Variants in ITGA11 observed in about 807,000 individuals in gnomAD.
ITGA11 encodes the protein integrin subunit alpha 11.
ITGA11 carries 97 observed loss-of-function variants against 141.9 expected under a neutral mutation model. The observed-to-expected ratio is 0.68, with a 90% confidence interval of 0.58 to 0.81. The LOEUF is 0.81. ITGA11 is among the 30% of genes least tolerant of loss of function. The probability of loss-of-function intolerance (pLI) is 0.00; values close to 1 mark genes in which losing one functional copy is unlikely to be tolerated. For missense variants in ITGA11, 1,387 were observed against 1,559.2 expected (o/e 0.89, Z 1.86); for synonymous variants, 658 against 624.6 (o/e 1.05, Z -0.80).
chr15:68,412,585 C>T (rs1354580389), intron 1 of ITGA11, among the ~76,000 whole-genome samples: 2 of 151,376 alleles, frequency 1.3e-5, no homozygotes, highest in Non-Finnish European at 2.9e-5. Context: ...GGGGGCATGA[C>T]ACGAACTCCC....
intron 7 of ITGA11, among the ~76,000 whole-genome samples, chr15:68,353,249 T>C (rs1255150789): frequency 2.0e-5 from 3 of 152,210 alleles, no homozygotes; most frequent in Non-Finnish European, 4.4e-5. Context: ...AGAAAAAACA[T>C]CCACCATTCT....
chr15:68,309,251 AT>A (rs1285042256), intron 26 of ITGA11, among the ~76,000 whole-genome samples: 1 of 152,210 alleles, frequency 6.6e-6, no homozygotes, highest in African/African-American at 2.4e-5. Context: ...TGCTCAGAAC[AT>A]TTTGCTTGTT....
In ITGA11 at chr15:68,326,324, G is replaced by A. The variant is rs2140296145; in HGVS notation, c.2211+330C>T. Reference sequence around the variant, plus strand: ...ACCTGGCCTTTAATTGTTAGCTGCTGCCTGCTTATCCCTCCCTTTGGGGCT... The same window carrying A: ...ACCTGGCCTTTAATTGTTAGCTGCTACCTGCTTATCCCTCCCTTTGGGGCT... On this transcript the variant is annotated intron_variant, in intron 17 of 29. Coordinates refer to ENST00000315757, the MANE Select transcript of ITGA11 (RefSeq NM_001004439.2). This position sits in a 1 kb window ranked among gnomAD's most constrained non-coding sequence, Gnocchi z 6.8. 6.6e-6 allele frequency among the ~76,000 whole-genome samples: 1 copy of A among 152,328 alleles called. No homozygotes were observed. The highest frequency in any genetic ancestry group is 1.5e-5 in the Non-Finnish European group (1 of 68,026).
rs571080219 is a variant in ITGA11, at chr15:68,301,810, TCAAAA to T, written c.*1244_*1248del. ...CATGTGTCCCCCTTGCATTTCTACC[TCAAAA>T]CAAGACTAAGGCATAAATTACTCCA... On this transcript the variant is annotated 3_prime_UTR_variant, in exon 30 of 30. Transcript: ENST00000315757. This position sits in a 1 kb window ranked among gnomAD's most constrained non-coding sequence, Gnocchi z 4.4. 7.2e-5 allele frequency: 11 copies of T among 152,724 alleles called. No homozygotes were observed. The East Asian group carries it at 1.9e-3, about 27-fold the overall frequency. The allele number at this position is 152,724 out of a possible 1,614,324, so 9.5% of individuals were successfully genotyped here. A position where few individuals can be genotyped will look rare whatever the true frequency, so the allele number is the denominator to read the frequency against.
intron 1 of ITGA11, among the ~76,000 whole-genome samples, chr15:68,412,706 C>T (rs948759957): frequency 3.3e-5 from 4 of 120,078 alleles, no homozygotes; most frequent in Non-Finnish European, 6.5e-5. Flanking sequence ...GACAGAGTCT[C>T]GTTCTGTCAC....
chr15:68,411,745 A>G (rs1896775580), intron 1 of ITGA11, among the ~76,000 whole-genome samples: 1 of 152,178 alleles, frequency 6.6e-6, no homozygotes, highest in South Asian at 2.1e-4. Context: ...AGAGGAGAGT[A>G]TATTTCCCCC....
intron 24 of ITGA11, 109 bp downstream of exon 24, chr15:68,312,664 G>T: frequency 2.6e-6 from 2 of 779,942 alleles, no homozygotes; most frequent in South Asian, 3.3e-5. Context: ...GGGTGGCAGG[G>T]TTGAGGCTGG....
chr15:68,307,588 C>T lies in ITGA11; in HGVS notation c.3283G>A (p.Ala1095Thr), dbSNP rs1275769424. 1.2e-6 allele frequency: 2 copies of T among 1,610,046 alleles called. No homozygotes were observed. Among genetic ancestry groups the T allele is most frequent in the South Asian group, 2.2e-5 (2 of 90,696 alleles). ...CCCAGCCCAGGGGCTCTACTTACTG[C>T]TTTTAGGGACCTCAACCACAGGTTC... ...LGNLWLRSLK[A>T]LKYKSMKIMV... Residue 1095 changes from alanine (A) to threonine (T), a missense_variant and splice_region_variant, in exon 27 of 30, where the codon GCA becomes ACA. Coordinates refer to ENST00000315757, the MANE Select transcript of ITGA11 (RefSeq NM_001004439.2). The surrounding 1 kb of genome is among the most constrained non-coding windows in gnomAD (Gnocchi z 6.1).
chr15:68,368,956 G>A (rs1895507006), intron 3 of ITGA11, among the ~76,000 whole-genome samples: 1 of 151,546 alleles, frequency 6.6e-6, no homozygotes, highest in Non-Finnish European at 1.5e-5. Context: ...TAGGGCCTGG[G>A]TTGATTCCTG....
intron 28 of ITGA11, among the ~76,000 whole-genome samples, chr15:68,306,732 CTT>C (rs1468327573): frequency 6.6e-6 from 1 of 152,232 alleles, no homozygotes; most frequent in East Asian, 1.9e-4. Flanking sequence ...GACCCCGCCT[CTT>C]TGCTCTCCAG....
At chr15:68,345,463 G>A (rs765659403) in intron 10 of ITGA11, among the ~76,000 whole-genome samples, 20 of 152,122 alleles carry the variant, frequency 1.3e-4, no homozygotes, top group Non-Finnish European at 2.5e-4. Context: ...CCTGGGCTCT[G>A]GTCCCTTCTC....
At chr15:68,422,051 C>A (rs1203406612) in intron 1 of ITGA11, among the ~76,000 whole-genome samples, 1 of 152,142 alleles carries the variant, frequency 6.6e-6, no homozygotes, top group African/African-American at 2.4e-5. Context: ...AATTTGAATT[C>A]TCTTTAAGTT....
chr15:68,301,828 A>G lies in ITGA11; in HGVS notation c.*1231T>C, dbSNP rs898523983. ...TTCTACCTCAAAACAAGACTAAGGC[A>G]TAAATTACTCCACTGGGCGCCAGGC... On this transcript the variant is annotated 3_prime_UTR_variant, in exon 30 of 30. Transcript: ENST00000315757. This position sits in a 1 kb window ranked among gnomAD's most constrained non-coding sequence, Gnocchi z 4.4. 6 of 152,680 alleles carry G rather than the reference A, an allele frequency of 3.9e-5. No homozygotes were observed. Among genetic ancestry groups the G allele is most frequent in the Non-Finnish European group, 8.8e-5 (6 of 68,062 alleles). The allele number at this position is 152,680 out of a possible 1,614,324, so 9.5% of individuals were successfully genotyped here.
chr15:68,386,339 G>A (rs942828642), intron 2 of ITGA11, among the ~76,000 whole-genome samples: 1 of 152,142 alleles, frequency 6.6e-6, no homozygotes, highest in Non-Finnish European at 1.5e-5. Flanking sequence ...AAGCTGCTGG[G>A]TCTCCCTCCC....
intron 1 of ITGA11, among the ~76,000 whole-genome samples, chr15:68,428,143 A>G (rs891553304): frequency 6.6e-6 from 1 of 152,194 alleles, no homozygotes; most frequent in Non-Finnish European, 1.5e-5. Flanking sequence ...AAAGTCAGGC[A>G]TTGTGGAGAA....
rs755900058 is a variant in ITGA11 at position 68,351,421 on chromosome 15, G to C, written c.750-19C>G. 1.2e-6 allele frequency: 2 copies of C among 1,612,704 alleles called. No individual in the cohort carries two copies. Among genetic ancestry groups the C allele is most frequent in the Admixed American group, 3.3e-5 (2 of 59,938 alleles). On this transcript the variant is annotated intron_variant, in intron 7 of 29. Transcript: ENST00000315757. ...CTCTGAGCTGGAAGCCAAGCACAGG[G>C]GCAGGGTCATGAAAGGTAAGTGGGA...
chr15:68,328,190 G>A lies in ITGA11; in HGVS notation c.1974C>T (p.Asp658=). The A allele has an allele frequency of 6.2e-7, 1 of 1,613,960 alleles. No homozygotes were observed. The highest frequency in any genetic ancestry group is 8.5e-7 in the Non-Finnish European group (1 of 1,179,864). Residue 658 remains aspartate, a synonymous_variant, in exon 16 of 30, where the codon GAC becomes GAT. Coordinates refer to ENST00000315757, the MANE Select transcript of ITGA11 (RefSeq NM_001004439.2). This position sits in a 1 kb window ranked among gnomAD's most constrained non-coding sequence, Gnocchi z 4.8. Reference sequence around the variant, plus strand: ...TGGCATCCCTGCCACTGCGCTTGCAGTCTCTGTGGAAGATGTTGATCTTGG... The same window carrying A: ...TGGCATCCCTGCCACTGCGCTTGCAATCTCTGTGGAAGATGTTGATCTTGG... ...EPSKINIFHR[D]CKRSGRDATC... is the part of the protein sequence containing the mutation.
At chr15:68,398,735 T>G in intron 2 of ITGA11, among the ~76,000 whole-genome samples, 1 of 147,870 alleles carries the variant, frequency 6.8e-6, no homozygotes, top group South Asian at 2.1e-4. Flanking sequence ...TGATATAATT[T>G]ATATTAACTG....
Position 68,330,662 on chromosome 15 carries a change from C to T in ITGA11, c.1901+319G>A, listed in dbSNP as rs11852504. Among the ~76,000 whole-genome samples the T allele has an allele frequency of 3.6e-3, 547 of 152,124 alleles. 3 individuals carry two copies. The highest frequency in any genetic ancestry group is 0.012 in the African/African-American group (512 of 41,480). ...GCCAGGGGAGAAGGAAAGGTCCTTCCAGATGGTAAAAACACGCTCAACTTG... is the reference window on the plus strand; with the variant it reads ...GCCAGGGGAGAAGGAAAGGTCCTTCTAGATGGTAAAAACACGCTCAACTTG... On this transcript the variant is annotated intron_variant, in intron 15 of 29. Coordinates refer to ENST00000315757, the MANE Select transcript of ITGA11 (RefSeq NM_001004439.2).
Sources: gnomAD v4.1 joint callset for allele counts (sites outside exome capture counted in the v4.1 genomes callset) on GRCh38, gnomAD v4.1.1 for gene constraint, Gnocchi (gnomAD v3.1) non-coding constraint, MANE v1.5 for transcripts, NCBI Gene and HGNC (gene_info 2026-07-23, HGNC 2026-07-21) for gene names.